The following CCSER1 variants were observed in gnomAD, a reference collection of about 807,000 sequenced individuals.
The protein encoded by CCSER1 is serine-rich coiled-coil domain-containing protein 1.
A neutral mutation model predicts 82.0 loss-of-function variants in CCSER1; 41 were observed. That is an observed-to-expected ratio of 0.50 (90% CI 0.39 to 0.65). The LOEUF (loss-of-function observed/expected upper bound fraction) is 0.65. Ranked by LOEUF, CCSER1 falls within the 30% of genes least tolerant of loss-of-function variation. The probability of loss-of-function intolerance (pLI) is 0.00; values close to 1 mark genes in which losing one functional copy is unlikely to be tolerated. For synonymous variants in CCSER1, 414 were observed against 383.9 expected (o/e 1.08, Z -0.92); for missense variants, 1,119 against 1,064.2 (o/e 1.05, Z -0.72).
chr4:91,404,592 G>A (rs1464265100), intron 10 of CCSER1, among the ~76,000 whole-genome samples: 1 of 152,036 alleles, frequency 6.6e-6, no homozygotes, highest in Non-Finnish European at 1.5e-5. Context: ...CTGGTATGTT[G>A]TGTCTTTGTT....
chr4:90,338,184 A>G (rs747403225), intron 3 of CCSER1, among the ~76,000 whole-genome samples: 1 of 152,160 alleles, frequency 6.6e-6, no homozygotes, highest in Non-Finnish European at 1.5e-5. Context: ...ACCTCCCACT[A>G]TCTTCATGCT....
At chr4:91,070,325 G>C (rs952818844) in intron 9 of CCSER1, among the ~76,000 whole-genome samples, 5 of 151,932 alleles carry the variant, frequency 3.3e-5, no homozygotes, top group Admixed American at 6.6e-5. Flanking sequence ...CATTACTCTT[G>C]GTATTGTGCT....
At chr4:91,052,813 T>A (rs147807404) in intron 9 of CCSER1, among the ~76,000 whole-genome samples, 1 of 152,272 alleles carries the variant, frequency 6.6e-6, no homozygotes, top group Non-Finnish European at 1.5e-5. Context: ...TTAAAAACAT[T>A]ATTTTGATAG....
At chr4:91,313,102 T>C (rs1362019246) in intron 10 of CCSER1, among the ~76,000 whole-genome samples, 1 of 151,926 alleles carries the variant, frequency 6.6e-6, no homozygotes, top group Non-Finnish European at 1.5e-5. Flanking sequence ...ACATAACACA[T>C]TTTTATAATT....
At chr4:90,530,569 G>T (rs1774379651) in intron 5 of CCSER1, among the ~76,000 whole-genome samples, 1 of 152,154 alleles carries the variant, frequency 6.6e-6, no homozygotes, top group African/African-American at 2.4e-5. Context: ...TATTCATGGA[G>T]ATTCCTAGAA....
chr4:91,135,026 C>T (rs1475244191), intron 10 of CCSER1, among the ~76,000 whole-genome samples: 1 of 151,798 alleles, frequency 6.6e-6, no homozygotes, highest in Admixed American at 6.6e-5. Flanking sequence ...CACCACTCCA[C>T]TCCAGCCTGG....
chr4:90,650,122 C>A (rs1044097254), intron 6 of CCSER1, among the ~76,000 whole-genome samples: 7 of 152,174 alleles, frequency 4.6e-5, no homozygotes, highest in African/African-American at 1.7e-4. Flanking sequence ...GAGGCTGAGG[C>A]AGGAGAGTTG....
At chr4:91,536,826 A>C (rs1578726757) in intron 10 of CCSER1, among the ~76,000 whole-genome samples, 1 of 151,950 alleles carries the variant, frequency 6.6e-6, no homozygotes, top group Non-Finnish European at 1.5e-5. Context: ...TTTTTTTACT[A>C]TTTGTAAATA....
At chr4:90,917,334 C>T (rs1727625344) in intron 8 of CCSER1, among the ~76,000 whole-genome samples, 1 of 152,088 alleles carries the variant, frequency 6.6e-6, no homozygotes, top group South Asian at 2.1e-4. Flanking sequence ...ACTATGCAGC[C>T]ATAAAAATGA....
At chr4:90,834,388 C>T (rs750877179) in intron 8 of CCSER1, among the ~76,000 whole-genome samples, 1 of 152,168 alleles carries the variant, frequency 6.6e-6, no homozygotes, top group Non-Finnish European at 1.5e-5. Context: ...ATGAACACCA[C>T]ATTGATGCTA....
At chr4:90,570,645 G>C (rs1240840970) in intron 5 of CCSER1, among the ~76,000 whole-genome samples, 1 of 152,060 alleles carries the variant, frequency 6.6e-6, no homozygotes, top group Non-Finnish European at 1.5e-5. Flanking sequence ...AAAGGAAATG[G>C]GTGCAGCACC....
chr4:91,051,938 G>A (rs1490393986), intron 9 of CCSER1, among the ~76,000 whole-genome samples: 3 of 151,928 alleles, frequency 2.0e-5, no homozygotes, highest in Non-Finnish European at 2.9e-5. Flanking sequence ...TAGTTGGATA[G>A]TCATACTTAA....
At chr4:90,232,730 A>C (rs1197960257) in intron 1 of CCSER1, among the ~76,000 whole-genome samples, 1 of 147,488 alleles carries the variant, frequency 6.8e-6, no homozygotes, top group African/African-American at 2.5e-5. Flanking sequence ...CTCATCTGAC[A>C]AAGGGCTAAT....
At chr4:90,892,805 ATTTATTTC>A (rs896944186) in intron 8 of CCSER1, among the ~76,000 whole-genome samples, 1 of 152,078 alleles carries the variant, frequency 6.6e-6, no homozygotes, top group Non-Finnish European at 1.5e-5. Context: ...AGTATACCAC[ATTTATTTC>A]GCCTTGTGTT....
intron 5 of CCSER1, among the ~76,000 whole-genome samples, chr4:90,599,423 G>T (rs936462488): frequency 6.6e-6 from 1 of 152,018 alleles, no homozygotes; most frequent in Non-Finnish European, 1.5e-5. Context: ...TGCTATGATT[G>T]TAAGTTTCCT....
chr4:91,062,265 C>G (rs899724541), intron 9 of CCSER1, among the ~76,000 whole-genome samples: 1 of 151,978 alleles, frequency 6.6e-6, no homozygotes, highest in African/African-American at 2.4e-5. Context: ...CTCACCCATG[C>G]AGAGGGAACA....
intron 6 of CCSER1, among the ~76,000 whole-genome samples, chr4:90,654,767 A>G (rs1184679315): frequency 2.0e-5 from 3 of 152,038 alleles, no homozygotes; most frequent in Non-Finnish European, 2.9e-5. Flanking sequence ...TTGGAGGCCT[A>G]TTGCCCCACA....
intron 4 of CCSER1, among the ~76,000 whole-genome samples, chr4:90,407,262 G>A (rs1055813314): frequency 5.9e-5 from 9 of 152,136 alleles, no homozygotes; most frequent in Non-Finnish European, 8.8e-5. Context: ...AGTGGAGATG[G>A]ATAAATTCCT....
At chr4:91,153,769 G>A (rs1202768977) in intron 10 of CCSER1, among the ~76,000 whole-genome samples, 1 of 151,970 alleles carries the variant, frequency 6.6e-6, no homozygotes, top group Non-Finnish European at 1.5e-5. Context: ...GTTTGCTGGA[G>A]GTCCACTCCA....
Sources: allele counts gnomAD v4.1 joint callset (sites outside exome capture counted in the v4.1 genomes callset), GRCh38; gene constraint gnomAD v4.1.1; transcripts MANE v1.5; gene names NCBI Gene and HGNC (gene_info 2026-07-23, HGNC 2026-07-21).